The following ATM variants were observed in gnomAD, a reference collection of about 807,000 sequenced individuals.
ATM encodes serine-protein kinase ATM.
ATM carries 308 observed loss-of-function variants against 387.0 expected under a neutral mutation model. The ratio of observed to expected loss-of-function variants is 0.80; its 90% confidence interval spans 0.73 to 0.87. The LOEUF is 0.87. Ranked by LOEUF, ATM falls within the 40% of genes least tolerant of loss-of-function variation. The probability of loss-of-function intolerance (pLI) is 0.00; values close to 1 mark genes in which losing one functional copy is unlikely to be tolerated. For missense variants in ATM, 3,312 were observed against 3,560.9 expected, an observed-to-expected ratio of 0.93 and a Z score of 1.78; for synonymous variants, 1,156 against 1,187.3, an observed-to-expected ratio of 0.97 and a Z score of 0.54.
intron 40 of ATM, among the ~76,000 whole-genome samples, chr11:108,315,028 A>G (rs548388105): frequency 6.6e-6 from 1 of 152,300 alleles, no homozygotes; most frequent in African/African-American, 2.4e-5. Context: ...GCATCTTGGA[A>G]GCACCTCCAG....
intron 14 of ATM, among the ~76,000 whole-genome samples, 172 bp downstream of exon 14, chr11:108,256,512 T>A (rs1192175961): frequency 6.6e-6 from 1 of 152,202 alleles, no homozygotes; most frequent in Non-Finnish European, 1.5e-5. Context: ...TTGTTTTAAT[T>A]GTTTAATTTT....
At chr11:108,295,312 A>ATT in intron 32 of ATM, 1 of 363,024 alleles carries the variant, frequency 2.8e-6, no homozygotes, top group Non-Finnish European at 5.0e-6. Flanking sequence ...TACTGCCTAA[A>ATT]TTTTTTTTTT....
intron 9 of ATM, 93 bp downstream of exon 9, chr11:108,249,195 A>G (rs1030592478): frequency 3.9e-5 from 56 of 1,424,266 alleles, no homozygotes; most frequent in Middle Eastern, 2.4e-4. Flanking sequence ...CATCTCAACC[A>G]GAACTAAGTC....
At chr11:108,281,208 T>A (rs2135671257) in intron 24 of ATM, 40 bp downstream of exon 24, 3 of 1,591,632 alleles carry the variant, frequency 1.9e-6, no homozygotes, top group Non-Finnish European at 2.6e-6. Context: ...CTTCCTTAGG[T>A]CACTGTGAAA....
At chr11:108,308,123 T>C in intron 38 of ATM, 139 bp downstream of exon 38, 1 of 828,856 alleles carries the variant, frequency 1.2e-6, no homozygotes, top group South Asian at 1.5e-5. Flanking sequence ...TATATCTCCT[T>C]GCAGTAATCC....
chr11:108,240,702 TA>T (rs60217012), intron 5 of ATM, among the ~76,000 whole-genome samples: 92,776 of 151,864 alleles, frequency 0.61, 28,587 homozygotes, highest in Middle Eastern at 0.79. Flanking sequence ...CTAGGGCACT[TA>T]ACCATGAATG....
chr11:108,238,119 G>T (rs999293437), intron 5 of ATM, among the ~76,000 whole-genome samples: 8 of 151,748 alleles, frequency 5.3e-5, no homozygotes, highest in Non-Finnish European at 5.9e-5. Flanking sequence ...TAGAGACAGG[G>T]TTTCCTCATG....
rs557294551 is a variant in ATM, at chr11:108,365,567, T to C, written c.*59T>C. ...TTTAGAAATTATATTTTAGCCTTTA[T>C]TTTTAACCTGCCAACATACTTTAAG... is the stretch of plus-strand genomic sequence containing the variant. On this transcript the variant is annotated 3_prime_UTR_variant, in exon 63 of 63. Transcript: ENST00000675843. The C allele has an allele frequency of 2.6e-6, 4 of 1,555,294 alleles. No individual in the cohort carries two copies. Among genetic ancestry groups the C allele is most frequent in the Admixed American group, 1.9e-5 (1 of 53,342 alleles).
At chr11:108,291,688 C>T (rs1325681225) in intron 29 of ATM, among the ~76,000 whole-genome samples, 2 of 152,144 alleles carry the variant, frequency 1.3e-5, no homozygotes, top group Non-Finnish European at 2.9e-5. Flanking sequence ...ATAGAGATTT[C>T]CTTGGATACC....
rs2082917922 is a variant in ATM, at chr11:108,293,371, T to A, written c.4670T>A (p.Ile1557Asn). Residue 1557 changes from isoleucine (I) to asparagine (N), a missense_variant, in exon 31 of 63, where the codon ATC (isoleucine) becomes AAC (asparagine). Coordinates refer to ENST00000675843, the MANE Select transcript of ATM (RefSeq NM_000051.4). ...IDNKDNENLYITIKLLDPFPD... is the reference protein window; with the variant it reads ...IDNKDNENLYNTIKLLDPFPD... ...AACAAGGATAATGAAAACCTCTATA[T>A]CACGATTAAGCTTTTAGATCCTTTT... The A allele has an allele frequency of 1.3e-6, 2 of 1,599,592 alleles. No individual in the cohort carries two copies. Among genetic ancestry groups the A allele is most frequent in the Non-Finnish European group, 1.7e-6 (2 of 1,167,372 alleles).
In ATM at chr11:108,244,103, C is replaced by CTAT. The variant is rs1565369864; in HGVS notation, c.649_651dup (p.Ile217dup). 1 of 1,613,666 alleles carries CTAT rather than the reference C, an allele frequency of 6.2e-7. No homozygotes were observed. The highest frequency in any genetic ancestry group is 8.5e-7 in the Non-Finnish European group (1 of 1,179,830). ...AAATTTTTGGACTTTTTTTCCAAGG[C>CTAT]TATTCAGTGTGCGAGGTAATCTAAT... is the stretch of plus-strand genomic sequence containing the variant. On this transcript the variant is annotated inframe_insertion, in exon 6 of 63. Transcript: ENST00000675843.
chr11:108,227,898 T>C lies in ATM; in HGVS notation c.185+10T>C, dbSNP rs1555054317. On this transcript the variant is annotated intron_variant, in intron 3 of 62. Transcript: ENST00000675843. ...GGGATGCTGTTTTTAGGTATTCTAT[T>C]CAAATTTATTTTACTGTCTTTATTT... 3 of 1,590,898 alleles carry C rather than the reference T, an allele frequency of 1.9e-6. No homozygotes were observed. The highest frequency in any genetic ancestry group is 1.7e-6 in the Non-Finnish European group (2 of 1,161,800).
At chr11:108,279,919 T>G (rs138404699) in intron 23 of ATM, among the ~76,000 whole-genome samples, 4 of 152,280 alleles carry the variant, frequency 2.6e-5, no homozygotes, top group Admixed American at 2.6e-4. Context: ...TAAAAGCTAA[T>G]TAAGGGAACA....
chr11:108,337,507 C>T (rs2136749894), intron 56 of ATM, among the ~76,000 whole-genome samples: 1 of 152,284 alleles, frequency 6.6e-6, no homozygotes, highest in East Asian at 1.9e-4. Context: ...GATCCCCATT[C>T]TTAGAATTTC....
At chr11:108,311,912 T>A (rs971041724) in intron 39 of ATM, among the ~76,000 whole-genome samples, 23 of 152,348 alleles carry the variant, frequency 1.5e-4, no homozygotes, top group African/African-American at 4.6e-4. Context: ...AAATCTGAGT[T>A]CTAATCCTGA....
At chr11:108,268,999 A>G (rs2081420739) in intron 18 of ATM, among the ~76,000 whole-genome samples, 1 of 152,186 alleles carries the variant, frequency 6.6e-6, no homozygotes, top group African/African-American at 2.4e-5. Context: ...TAGTGAAGTT[A>G]CAAGAATACT....
intron 4 of ATM, among the ~76,000 whole-genome samples, chr11:108,234,021 G>C (rs2079148215): frequency 6.6e-6 from 1 of 152,122 alleles, no homozygotes; most frequent in South Asian, 2.1e-4. Context: ...TTTGCTATTA[G>C]GGCAGTCACT....
At chr11:108,329,538 G>A (rs185769320) in intron 49 of ATM, among the ~76,000 whole-genome samples, 115 of 152,004 alleles carry the variant, frequency 7.6e-4, no homozygotes, top group Admixed American at 1.4e-3. Context: ...CTGAGCCCCC[G>A]AAATAGCTGG....
chr11:108,297,474 C>G lies in ATM; in HGVS notation c.5005+92C>G, dbSNP rs2083190487. 2.7e-6 allele frequency: 3 copies of G among 1,105,048 alleles called. No homozygotes were observed. In the Admixed American group the frequency reaches 5.7e-5, roughly 21 times the overall value. The allele number at this position is 1,105,048 out of a possible 1,614,324, so 68.5% of individuals were successfully genotyped here. On this transcript the variant is annotated intron_variant, in intron 33 of 62. Coordinates refer to ENST00000675843, the MANE Select transcript of ATM (RefSeq NM_000051.4). ...ATACTGTATTTTTACTGTATGTTTT[C>G]TGTTGCCTGTAGTATTCAGTATAGT...
Sources: gnomAD v4.1 joint callset for allele counts (sites outside exome capture counted in the v4.1 genomes callset) on GRCh38, gnomAD v4.1.1 for gene constraint, MANE v1.5 for transcripts, NCBI Gene and HGNC (gene_info 2026-07-23, HGNC 2026-07-21) for gene names.